CTPS2: variants seen among roughly 807,000 people sequenced by gnomAD.
CTPS2 encodes CTP synthase 2.
In CTPS2, 19 loss-of-function variants were observed where a neutral mutation model predicts 46.8. The ratio of observed to expected loss-of-function variants is 0.41; its 90% CI spans 0.28 to 0.60. The LOEUF (loss-of-function observed/expected upper bound fraction) is 0.60. Ranked by LOEUF, CTPS2 falls within the 20% of genes least tolerant of loss-of-function variation. CTPS2 has a pLI of 0.35. For missense variants in CTPS2, 286 were observed against 447.6 expected, an observed-to-expected ratio of 0.64 and a Z score of 3.26; for synonymous variants, 151 against 165.2, an observed-to-expected ratio of 0.91 and a Z score of 0.66.
At chrX:16,619,289 T>C in intron 15 of CTPS2, among the ~76,000 whole-genome samples, 1 of 111,867 alleles carries the variant, frequency 8.9e-6, no homozygotes, top group African/African-American at 3.2e-5. Context: ...TTCTAACTGG[T>C]CTAAGCCAAA....
intron 17 of CTPS2, among the ~76,000 whole-genome samples, chrX:16,593,770 C>T (rs1929073355): frequency 9.1e-6 from 1 of 110,113 alleles, no homozygotes; most frequent in Admixed American, 9.7e-5. Context: ...GTTAGATAAA[C>T]ATATAAAACA....
At chrX:16,663,473 T>C (rs562275213) in intron 13 of CTPS2, among the ~76,000 whole-genome samples, 2 of 111,407 alleles carry the variant, frequency 1.8e-5, no homozygotes, top group South Asian at 3.8e-4. Flanking sequence ...ACGCAATACA[T>C]ATTCATATGT....
At chrX:16,601,891 G>C (rs1157020049) in intron 17 of CTPS2, among the ~76,000 whole-genome samples, 1 of 111,551 alleles carries the variant, frequency 9.0e-6, no homozygotes, top group Non-Finnish European at 1.9e-5. Flanking sequence ...GAAGAGCAAG[G>C]TCACAGCCAG....
At chrX:16,677,321 A>G (rs779854048) in intron 10 of CTPS2, among the ~76,000 whole-genome samples, 1 of 111,735 alleles carries the variant, frequency 8.9e-6, no homozygotes, top group South Asian at 3.7e-4. Flanking sequence ...ACATTTATTA[A>G]TCTTCCAGAT....
intron 17 of CTPS2, among the ~76,000 whole-genome samples, chrX:16,598,102 A>C (rs1835196890): frequency 5.7e-4 from 1 of 1,747 alleles, no homozygotes; most frequent in Admixed American, 9.4e-3. Flanking sequence ...GGGCTGAGAA[A>C]GCAGGAAAAT....
chrX:16,692,799 G>A (rs1256156806), intron 6 of CTPS2, among the ~76,000 whole-genome samples: 4 of 111,191 alleles, frequency 3.6e-5, no homozygotes, highest in African/African-American at 9.8e-5. Flanking sequence ...GCTCTTGGCT[G>A]TAATCCCAAG....
chrX:16,613,548 G>A (rs1930370686), intron 16 of CTPS2, among the ~76,000 whole-genome samples: 1 of 110,853 alleles, frequency 9.0e-6, no homozygotes, highest in African/African-American at 3.3e-5. Flanking sequence ...GAAATTTCTA[G>A]CCTGATAGTC....
At chrX:16,641,289 C>T (rs141784258) in intron 13 of CTPS2, among the ~76,000 whole-genome samples, 1 of 112,292 alleles carries the variant, frequency 8.9e-6, no homozygotes, top group Non-Finnish European at 1.9e-5. Flanking sequence ...CCCCTAATTT[C>T]TTGATAGAAG....
At chrX:16,703,133 C>T (rs1924714030) in intron 1 of CTPS2, among the ~76,000 whole-genome samples, 192 bp from the exon 2 acceptor site, 1 of 105,625 alleles carries the variant, frequency 9.5e-6, no homozygotes, top group Admixed American at 1.0e-4. Flanking sequence ...TCAAGCGATC[C>T]TCCCACCTCA....
chrX:16,619,589 A>G (rs1434733620), intron 15 of CTPS2, among the ~76,000 whole-genome samples: 1 of 110,593 alleles, frequency 9.0e-6, no homozygotes, highest in African/African-American at 3.3e-5. Flanking sequence ...GAGCCTGTCC[A>G]GCCTCTGGAC....
chrX:16,630,595 C>T (rs1275777949), intron 14 of CTPS2, among the ~76,000 whole-genome samples: 1 of 110,288 alleles, frequency 9.1e-6, no homozygotes, highest in Non-Finnish European at 1.9e-5. Flanking sequence ...ATACACCTCC[C>T]TATAGGGAGC....
intron 1 of CTPS2, among the ~76,000 whole-genome samples, chrX:16,710,349 T>C (rs1216153116): frequency 8.9e-6 from 1 of 112,117 alleles, no homozygotes; most frequent in Non-Finnish European, 1.9e-5. Context: ...CTTGCATCTT[T>C]AAGGGGTTTT....
chrX:16,632,317 T>C (rs1279093507), intron 14 of CTPS2, among the ~76,000 whole-genome samples: 2 of 112,147 alleles, frequency 1.8e-5, no homozygotes, highest in Non-Finnish European at 3.8e-5. Flanking sequence ...AAATGAGTTT[T>C]TAAAAAATCG....
In CTPS2 at chrX:16,702,806, G is replaced by A. The variant is rs1924685859; in HGVS notation, c.97C>T (p.Arg33Ter). ...GGGTCGATTTTTATGGCAGTAACTC[G>A]GAGTCCACATGATTTTAGAATCGTT... ...IGTILKSCGL[R>*]VTAIKIDPYI... Residue 33 changes from arginine to a stop codon, truncating the protein, a stop_gained, in exon 2 of 19, where the codon CGA (arginine) becomes TGA (stop). Transcript: ENST00000359276. LOFTEE classifies it high-confidence loss of function. The A allele has an allele frequency of 2.5e-6, 3 of 1,209,762 alleles. No individual in the cohort carries two copies. Among genetic ancestry groups the A allele is most frequent in the Admixed American group, 2.2e-5 (1 of 45,843 alleles).
intron 13 of CTPS2, among the ~76,000 whole-genome samples, chrX:16,645,129 C>T (rs1236088770): frequency 9.1e-6 from 1 of 110,422 alleles, no homozygotes; most frequent in Admixed American, 9.6e-5. Context: ...ACTACAGGCG[C>T]CCGCCACCAT....
chrX:16,695,481 G>C (rs1340919265), intron 4 of CTPS2, among the ~76,000 whole-genome samples: 1 of 112,215 alleles, frequency 8.9e-6, no homozygotes, highest in African/African-American at 3.2e-5. Context: ...AAATTTATGA[G>C]ATGTGCAAAG....
intron 10 of CTPS2, among the ~76,000 whole-genome samples, chrX:16,677,075 A>C (rs2147323102): frequency 9.2e-6 from 1 of 109,110 alleles, no homozygotes; most frequent in South Asian, 3.9e-4. Context: ...AAAAAAAAAA[A>C]AAACAAGAGG....
At position 16,631,199 on chromosome X, in the gene CTPS2, T is replaced by G. The variant is rs188860967; in HGVS notation, c.1393+7948A>C. Among the ~76,000 whole-genome samples, 209 of 111,070 alleles carry G rather than the reference T, an allele frequency of 1.9e-3. 1 individual carries two copies. The highest frequency in any genetic ancestry group is 0.014 in the Middle Eastern group (3 of 218). On this transcript the variant is annotated intron_variant, in intron 14 of 18. Coordinates refer to ENST00000359276, the MANE Select transcript of CTPS2 (RefSeq NM_175859.3). The stretch of plus-strand genomic sequence containing the variant: ...CCCGTCTCTACTAAAAATACAAAAA[T>G]TAGCCAGGCGTGGTGGCGGGCGCCT...
intron 14 of CTPS2, 145 bp downstream of exon 14, chrX:16,639,002 A>AG (rs1464379416): frequency 1.8e-6 from 1 of 553,601 alleles, no homozygotes; most frequent in Non-Finnish European, 3.3e-6. Context: ...CAGTGAGGGC[A>AG]GGGGAGATGG....
Sources: allele counts gnomAD v4.1 joint callset (sites outside exome capture counted in the v4.1 genomes callset), GRCh38; gene constraint gnomAD v4.1.1; transcripts MANE v1.5; gene names NCBI Gene and HGNC (gene_info 2026-07-23, HGNC 2026-07-21).